RPL35: variants seen among roughly 807,000 people sequenced by gnomAD.
RPL35 encodes the protein large ribosomal subunit protein uL29.
RPL35 carries 2 observed loss-of-function variants against 15.6 expected under a neutral mutation model. The ratio of observed to expected loss-of-function variants is 0.13; its 90% CI spans 0.05 to 0.40. The LOEUF is 0.40. RPL35 is among the 10% of genes least tolerant of loss of function. The pLI is 0.99. For missense variants in RPL35, 111 were observed against 164.7 expected, an observed-to-expected ratio of 0.67 and a Z score of 1.79; for synonymous variants, 93 against 67.9, an observed-to-expected ratio of 1.37 and a Z score of -1.82.
At chr9:124,861,352 C>T in intron 2 of RPL35, 67 bp downstream of exon 2, 1 of 1,556,558 alleles carries the variant, frequency 6.4e-7, no homozygotes. Context: ...ACTTTGAAAT[C>T]CTCCGACGAT....
At chr9:124,858,555 C>T (rs1186859433) in intron 3 of RPL35, 1 of 712,646 alleles carries the variant, frequency 1.4e-6, no homozygotes, top group Non-Finnish European at 2.6e-6. Context: ...AACGTCCAGC[C>T]TCAGAGGCCT....
At chr9:124,861,389 C>T in intron 2 of RPL35, 30 bp downstream of exon 2, 1 of 1,598,284 alleles carries the variant, frequency 6.3e-7, no homozygotes, top group Non-Finnish European at 8.5e-7. Context: ...TCCCCACCCA[C>T]GAGGGCTGTG....
In RPL35 at chr9:124,861,917, G is replaced by C. The variant is rs371450568; in HGVS notation, c.-5C>G. Reference sequence around the variant, plus strand: ...CGATTCCGCAGCTCTCACCATTGCTGCACAAGCCGCCAACGCCGCCGCCCG... The same window carrying C: ...CGATTCCGCAGCTCTCACCATTGCTCCACAAGCCGCCAACGCCGCCGCCCG... On this transcript the variant is annotated 5_prime_UTR_variant, in exon 1 of 4. Coordinates refer to ENST00000348462, the MANE Select transcript of RPL35 (RefSeq NM_007209.4). 1 of 1,597,510 alleles carries C rather than the reference G, an allele frequency of 6.3e-7. No homozygotes were observed. Among genetic ancestry groups the C allele is most frequent in the South Asian group, 1.1e-5 (1 of 89,338 alleles).
chr9:124,861,660 C>T, intron 1 of RPL35, 105 bp from the exon 2 acceptor site: 1 of 1,498,496 alleles, frequency 6.7e-7, no homozygotes, highest in Non-Finnish European at 9.1e-7. Flanking sequence ...ACTACGAGTG[C>T]GCCGGAGCCC....
In RPL35 at chr9:124,861,826, G is replaced by A. The variant is rs1554764361; in HGVS notation, c.3+84C>T. 7.8e-6 allele frequency: 12 copies of A among 1,545,822 alleles called. No homozygotes were observed. In the South Asian group the frequency reaches 9.4e-5, roughly 12 times the overall value. The stretch of plus-strand genomic sequence containing the variant: ...GCCCCACAGGCCTAGGTGGCAGATA[G>A]AATCCGCGGGCTCAGCCCGCACCGC... On this transcript the variant is annotated intron_variant, in intron 1 of 3. Coordinates refer to ENST00000348462, the MANE Select transcript of RPL35 (RefSeq NM_007209.4).
intron 1 of RPL35, 78 bp downstream of exon 1, chr9:124,861,832 G>C: frequency 6.4e-7 from 1 of 1,560,896 alleles, no homozygotes; most frequent in Non-Finnish European, 8.7e-7. Context: ...GATAGAATCC[G>C]CGGGCTCAGC....
At position 124,857,927 on chromosome 9, in the gene RPL35, G is replaced by C. The variant is rs1398270675; in HGVS notation, c.363C>G (p.Val121=). The change falls in exon 4 of 4, where the codon GTC becomes GTG. Residue 121 remains valine, a synonymous_variant. Coordinates refer to ENST00000348462, the MANE Select transcript of RPL35 (RefSeq NM_007209.4). ...ERLYPLRKYA[V]KA ...ATTGACAATGCGCCCCTCAGGCCTT[G>C]ACCGCGTACTTCCGCAGCGGGTACA... 1.9e-6 allele frequency: 3 copies of C among 1,612,234 alleles called. No individual in the cohort carries two copies. The highest frequency in any genetic ancestry group is 2.5e-6 in the Non-Finnish European group (3 of 1,180,044).
intron 3 of RPL35, among the ~76,000 whole-genome samples, chr9:124,859,589 T>G (rs1364781758): frequency 1.3e-5 from 2 of 152,150 alleles, no homozygotes; most frequent in Non-Finnish European, 2.9e-5. Flanking sequence ...ATTGGATGCA[T>G]GTGCACACAC....
Position 124,861,884 on chromosome 9 carries a change from A to T in RPL35, c.3+26T>A, listed in dbSNP as rs1476405667. The stretch of plus-strand genomic sequence containing the variant: ...AACCCCCGCGCCTCACAGCGCTCGG[A>T]TGGCGCCCGATTCCGCAGCTCTCAC... On this transcript the variant is annotated intron_variant, in intron 1 of 3. Coordinates refer to ENST00000348462, the MANE Select transcript of RPL35 (RefSeq NM_007209.4). The T allele has an allele frequency of 1.9e-6, 3 of 1,602,616 alleles. No homozygotes were observed. In the South Asian group the frequency reaches 3.3e-5, roughly 18 times the overall value.
chr9:124,858,966 T>G (rs549088014), intron 3 of RPL35, among the ~76,000 whole-genome samples: 1 of 152,196 alleles, frequency 6.6e-6, no homozygotes, highest in African/African-American at 2.4e-5. Context: ...TGGAGGGTAC[T>G]TGGAAGCAGG....
intron 2 of RPL35, chr9:124,861,207 G>T: frequency 1.7e-6 from 1 of 596,242 alleles, no homozygotes; most frequent in Non-Finnish European, 2.9e-6. Context: ...GCAGCATTAA[G>T]ATGGGTCTCC....
At chr9:124,858,191 G>T in intron 3 of RPL35, 124 bp from the exon 4 acceptor site, 1 of 747,372 alleles carries the variant, frequency 1.3e-6, no homozygotes, top group Non-Finnish European at 2.0e-6. Flanking sequence ...GGGACTGCCA[G>T]CAGGCCACAC....
At chr9:124,859,018 G>A (rs181798050) in intron 3 of RPL35, among the ~76,000 whole-genome samples, 5 of 152,306 alleles carry the variant, frequency 3.3e-5, no homozygotes, top group South Asian at 2.1e-4. Flanking sequence ...TGCTGGCATC[G>A]GCTGGGCATT....
At chr9:124,861,769 G>A in intron 1 of RPL35, 141 bp downstream of exon 1, 6 of 1,350,036 alleles carry the variant, frequency 4.4e-6, no homozygotes, top group Non-Finnish European at 6.0e-6. Flanking sequence ...CGAAGAGGCG[G>A]GTTGTGGTGG....
intron 1 of RPL35, 63 bp downstream of exon 1, chr9:124,861,847 A>G: frequency 6.3e-7 from 1 of 1,589,264 alleles, no homozygotes; most frequent in South Asian, 1.1e-5. Context: ...CTCAGCCCGC[A>G]CCGCCTTCCC....
chr9:124,858,474 A>AGCTAACC, intron 3 of RPL35: 1 of 716,768 alleles, frequency 1.4e-6, no homozygotes, highest in Non-Finnish European at 2.6e-6. Flanking sequence ...TCTGGTTAGC[A>AGCTAACC]AGAGCATGCT....
intron 1 of RPL35, 56 bp from the exon 2 acceptor site, chr9:124,861,611 C>T: frequency 6.3e-7 from 1 of 1,588,206 alleles, no homozygotes; most frequent in Non-Finnish European, 8.6e-7. Context: ...TCCCCTTCAC[C>T]TGCGTGGCCA....
chr9:124,861,366 G>C (rs367949473), intron 2 of RPL35, 53 bp downstream of exon 2: 1 of 1,570,240 alleles, frequency 6.4e-7, no homozygotes, highest in Non-Finnish European at 8.6e-7. Context: ...CGACGATCCC[G>C]ATGCACACGT....
intron 3 of RPL35, among the ~76,000 whole-genome samples, chr9:124,859,056 A>G (rs1829156078): frequency 6.6e-6 from 1 of 152,188 alleles, no homozygotes; most frequent in Admixed American, 6.5e-5. Context: ...CTAACCCCCT[A>G]GAGTTCTGCT....
Sources: gnomAD v4.1 joint callset for allele counts (sites outside exome capture counted in the v4.1 genomes callset) on GRCh38, gnomAD v4.1.1 for gene constraint, MANE v1.5 for transcripts, NCBI Gene and HGNC (gene_info 2026-07-23, HGNC 2026-07-21) for gene names.